Variants in ANKRD36 observed in about 807,000 individuals in gnomAD.
ANKRD36 encodes the protein ankyrin repeat domain 36.
A neutral mutation model predicts 278.1 loss-of-function variants in ANKRD36; 179 were observed. That is an observed-to-expected ratio of 0.64 (90% CI 0.57 to 0.73). ANKRD36 has a LOEUF of 0.73. Among genes scored for constraint, ANKRD36 ranks in the 30% least tolerant of loss-of-function variants. The pLI is 0.00. For missense variants in ANKRD36, 1,159 were observed against 1,956.7 expected (o/e 0.59, Z 7.69); for synonymous variants, 320 against 641.1 (o/e 0.50, Z 7.57).
chr2:97,210,955 C>A lies in ANKRD36; in HGVS notation c.3368-591C>A, dbSNP rs1489994604. Among the ~76,000 whole-genome samples the A allele has an allele frequency of 5.9e-5, 9 of 152,020 alleles. No individual in the cohort carries two copies. The South Asian group carries it at 1.9e-3, about 32-fold the overall frequency. On this transcript the variant is annotated intron_variant, in intron 56 of 75. Coordinates refer to ENST00000420699, the MANE Select transcript of ANKRD36 (RefSeq NM_001354587.1). Reference sequence around the variant, plus strand: ...TACAAGAAACTTAGGAAAATTATTACACCACATGGGGGTGAGAGATAATGA... The same window carrying A: ...TACAAGAAACTTAGGAAAATTATTAAACCACATGGGGGTGAGAGATAATGA...
At chr2:97,208,399 C>T (rs1342637650) in intron 54 of ANKRD36, among the ~76,000 whole-genome samples, 4 of 146,434 alleles carry the variant, frequency 2.7e-5, no homozygotes, top group East Asian at 2.0e-4. Flanking sequence ...TGTAACAACC[C>T]GTAGACACTG....
At chr2:97,178,779 GTAAC>G (rs2055189545) in intron 22 of ANKRD36, among the ~76,000 whole-genome samples, 1 of 148,346 alleles carries the variant, frequency 6.7e-6, no homozygotes, top group Non-Finnish European at 1.5e-5. Flanking sequence ...GTATACATAT[GTAAC>G]TAACCTGCAC....
intron 48 of ANKRD36, among the ~76,000 whole-genome samples, 162 bp from the exon 49 acceptor site, chr2:97,203,906 C>T (rs1390185677): frequency 2.0e-5 from 3 of 151,820 alleles, no homozygotes; most frequent in East Asian, 1.9e-4. Context: ...CTTTTCTCAG[C>T]GTATTTCTGT....
At chr2:97,215,861 T>G (rs997192935) in intron 62 of ANKRD36, 5 of 566,196 alleles carry the variant, frequency 8.8e-6, no homozygotes, top group Middle Eastern at 4.9e-4. Flanking sequence ...CATATTGTTA[T>G]AAACAGAGGG....
chr2:97,216,866 C>T (rs2066062329), intron 62 of ANKRD36: 4 of 628,216 alleles, frequency 6.4e-6, no homozygotes, highest in African/African-American at 3.7e-5. Context: ...TGAGTTGATC[C>T]TCTGATTTTA....
intron 30 of ANKRD36, 66 bp from the exon 31 acceptor site, chr2:97,187,132 G>A (rs534454815): frequency 2.1e-5 from 33 of 1,597,994 alleles, no homozygotes; most frequent in Admixed American, 1.7e-4. Flanking sequence ...TGCTAACACC[G>A]CATGAATGTA....
At chr2:97,225,677 A>G (rs1172721943) in intron 67 of ANKRD36, among the ~76,000 whole-genome samples, 11 of 152,176 alleles carry the variant, frequency 7.2e-5, no homozygotes, top group African/African-American at 2.4e-4. Context: ...CACAATGTGC[A>G]GGTTAGTTAC....
chr2:97,160,690 A>T (rs1444051016), intron 17 of ANKRD36, among the ~76,000 whole-genome samples: 1 of 152,096 alleles, frequency 6.6e-6, no homozygotes, highest in Admixed American at 6.6e-5. Flanking sequence ...TATCATTTAC[A>T]GGAGAATCAG....
chr2:97,149,308 C>A lies in ANKRD36; in HGVS notation c.1048C>A (p.Pro350Thr), dbSNP rs1466127788. ...EQCLNRSLYR[P>T]DAVAQPVTEN... ...TTTGCTCTGTAGGAGTCTCTACAGA[C>A]CTGATGCTGTTGCACAGCCTGTGAC... is the stretch of plus-strand genomic sequence containing the variant. The change falls in exon 12 of 76, where the codon CCT becomes ACT. Residue 350 changes from proline to threonine, a missense_variant. Coordinates refer to ENST00000420699, the MANE Select transcript of ANKRD36 (RefSeq NM_001354587.1). 3.3e-6 allele frequency: 5 copies of A among 1,534,122 alleles called. 1 individual carries two copies. In the South Asian group the frequency reaches 6.0e-5, roughly 18 times the overall value.
chr2:97,211,608 A>G (rs567939433), intron 57 of ANKRD36, 34 bp downstream of exon 57: 3 of 1,603,130 alleles, frequency 1.9e-6, no homozygotes, highest in African/African-American at 2.7e-5. Flanking sequence ...TTGAACTATT[A>G]ACTGTATAGT....
intron 5 of ANKRD36, among the ~76,000 whole-genome samples, chr2:97,125,501 A>C (rs1415202448): frequency 2.7e-5 from 4 of 150,376 alleles, no homozygotes; most frequent in African/African-American, 9.8e-5. Context: ...TAAAGCAAAT[A>C]TTAGTTGGGA....
At chr2:97,218,693 G>T (rs1430568077) in intron 64 of ANKRD36, among the ~76,000 whole-genome samples, 1 of 152,088 alleles carries the variant, frequency 6.6e-6, no homozygotes, top group Non-Finnish European at 1.5e-5. Flanking sequence ...TCATGCAGTC[G>T]CAGTTAGCAC....
At chr2:97,217,400 A>G in intron 64 of ANKRD36, 28 bp downstream of exon 64, 1 of 1,549,194 alleles carries the variant, frequency 6.5e-7, no homozygotes, top group Non-Finnish European at 8.7e-7. Context: ...ATTTAATGTC[A>G]TGTGCACTCA....
At chr2:97,186,860 C>G (rs1231966502) in intron 30 of ANKRD36, among the ~76,000 whole-genome samples, 3 of 151,926 alleles carry the variant, frequency 2.0e-5, no homozygotes, top group South Asian at 2.1e-4. Context: ...CCTGCTTTGA[C>G]ATTTTCCCAG....
At chr2:97,211,482 T>C in intron 56 of ANKRD36, 64 bp from the exon 57 acceptor site, 2 of 1,580,422 alleles carry the variant, frequency 1.3e-6, no homozygotes, top group Non-Finnish European at 1.7e-6. Flanking sequence ...TAACACTGTA[T>C]GAATGTATGG....
chr2:97,215,997 A>G (rs1279207499), intron 62 of ANKRD36, among the ~76,000 whole-genome samples: 1 of 151,950 alleles, frequency 6.6e-6, no homozygotes, highest in Non-Finnish European at 1.5e-5. Flanking sequence ...GAAGTTATTT[A>G]TGTAATTTTG....
At chr2:97,196,423 T>G (rs1186733645) in intron 40 of ANKRD36, among the ~76,000 whole-genome samples, 170 bp from the exon 41 acceptor site, 1 of 151,988 alleles carries the variant, frequency 6.6e-6, no homozygotes, top group African/African-American at 2.4e-5. Context: ...TGTATTCCCT[T>G]TTCTTAGTGT....
At chr2:97,198,905 A>G (rs1208610901) in intron 44 of ANKRD36, among the ~76,000 whole-genome samples, 4 of 151,808 alleles carry the variant, frequency 2.6e-5, no homozygotes, top group East Asian at 1.9e-4. Flanking sequence ...AGTTCAAGGC[A>G]TAAGGGGCTC....
intron 38 of ANKRD36, among the ~76,000 whole-genome samples, chr2:97,194,062 G>C (rs1010100925): frequency 1.3e-5 from 2 of 151,562 alleles, no homozygotes; most frequent in Non-Finnish European, 2.9e-5. Flanking sequence ...ATTATCCTTT[G>C]GTGGCAAGAT....
Sources: gnomAD v4.1 joint callset for allele counts (sites outside exome capture counted in the v4.1 genomes callset) on GRCh38, gnomAD v4.1.1 for gene constraint, MANE v1.5 for transcripts, NCBI Gene and HGNC (gene_info 2026-07-23, HGNC 2026-07-21) for gene names.